The following DGKB variants were observed in gnomAD, a reference collection of about 807,000 sequenced individuals.
DGKB encodes diacylglycerol kinase beta.
A neutral mutation model predicts 114.3 loss-of-function variants in DGKB; 67 were observed. The ratio of observed to expected loss-of-function variants is 0.59; its 90% CI spans 0.48 to 0.72. The LOEUF (loss-of-function observed/expected upper bound fraction) is 0.72. Among genes scored for constraint, DGKB ranks in the 30% least tolerant of loss-of-function variants. The pLI is 0.00. For missense variants in DGKB, 907 were observed against 975.2 expected (o/e 0.93, Z 0.93); for synonymous variants, 398 against 323.1 (o/e 1.23, Z -2.49).
rs931240627 is a variant in DGKB at position 14,296,383 on chromosome 7, T to G, written c.2122+42132A>C. 4.6e-5 allele frequency among the ~76,000 whole-genome samples: 7 copies of G among 152,180 alleles called. No individual in the cohort carries two copies. The East Asian group carries it at 9.6e-4, about 21-fold the overall frequency. On this transcript the variant is annotated intron_variant, in intron 23 of 25. Transcript: ENST00000402815. The stretch of plus-strand genomic sequence containing the variant: ...TATTCCATGGTATATTTGTGCCACA[T>G]TATCTTTATCCAATCTATCATTGAT...
rs563973003 is a variant in DGKB, at chr7:14,736,614, A to T, written c.169-420T>A. 1.1e-3 allele frequency among the ~76,000 whole-genome samples: 173 copies of T among 152,320 alleles called. 1 individual carries two copies. Among genetic ancestry groups the T allele is most frequent in the Non-Finnish European group, 2.2e-3 (153 of 68,034 alleles). On this transcript the variant is annotated intron_variant, in intron 4 of 25. Transcript: ENST00000402815. ...TAAACACAGCAGGCACTCAGAGAGA[A>T]AGGAATTTTCCATATTTTTTGCTTG...
intron 2 of DGKB, among the ~76,000 whole-genome samples, chr7:14,825,125 C>A (rs1845524479): frequency 7.2e-6 from 1 of 138,050 alleles, no homozygotes; most frequent in African/African-American, 2.7e-5. Flanking sequence ...TATATGTGTT[C>A]CTGAGTGGTG....
chr7:14,490,918 A>C lies in DGKB; in HGVS notation c.1771-12693T>G, dbSNP rs914178645. 2.6e-5 allele frequency among the ~76,000 whole-genome samples: 4 copies of C among 152,014 alleles called. No individual in the cohort carries two copies. The East Asian group carries it at 7.7e-4, about 29-fold the overall frequency. ...GTGATTTCCAAAGGATTTTCTGGTAAATTATTCATTTTGACCTGATTAATT... is the reference window on the plus strand; with the variant it reads ...GTGATTTCCAAAGGATTTTCTGGTACATTATTCATTTTGACCTGATTAATT... On this transcript the variant is annotated intron_variant, in intron 20 of 25. Transcript: ENST00000402815.
At chr7:14,317,512 T>C (rs1806816013) in intron 23 of DGKB, among the ~76,000 whole-genome samples, 1 of 151,660 alleles carries the variant, frequency 6.6e-6, no homozygotes, top group Non-Finnish European at 1.5e-5. Flanking sequence ...GAGAGCCAAA[T>C]CATGAGTGAA....
chr7:14,937,091 T>A (rs539928412), intron 1 of DGKB, among the ~76,000 whole-genome samples: 1 of 151,646 alleles, frequency 6.6e-6, no homozygotes, highest in East Asian at 1.9e-4. Context: ...GTTAAATTTA[T>A]AATTTTGCTA....
intron 23 of DGKB, chr7:14,192,050 A>G: frequency 2.2e-6 from 1 of 459,670 alleles, no homozygotes; most frequent in Non-Finnish European, 4.2e-6. Context: ...GTTCTATGAG[A>G]CAGATAGTCG....
At chr7:14,372,461 A>T (rs1462533007) in intron 21 of DGKB, among the ~76,000 whole-genome samples, 2 of 152,126 alleles carry the variant, frequency 1.3e-5, no homozygotes, top group East Asian at 3.9e-4. Context: ...ACTTAACCTC[A>T]TCATAAGTTG....
At chr7:14,213,546 G>T (rs1788479218) in intron 23 of DGKB, among the ~76,000 whole-genome samples, 1 of 152,100 alleles carries the variant, frequency 6.6e-6, no homozygotes, top group African/African-American at 2.4e-5. Context: ...CAAGGGGAAG[G>T]TATGCTAACT....
intron 1 of DGKB, among the ~76,000 whole-genome samples, chr7:14,850,841 A>T (rs1849256795): frequency 6.6e-6 from 1 of 152,180 alleles, no homozygotes; most frequent in African/African-American, 2.4e-5. Context: ...AGGACAAATA[A>T]TCATATTCTT....
At chr7:14,234,124 A>T (rs1404580008) in intron 23 of DGKB, among the ~76,000 whole-genome samples, 1 of 152,060 alleles carries the variant, frequency 6.6e-6, no homozygotes, top group East Asian at 1.9e-4. Flanking sequence ...TGAAACTGTC[A>T]GCTATGGAGA....
intron 1 of DGKB, among the ~76,000 whole-genome samples, chr7:14,911,682 G>T (rs1784012799): frequency 6.6e-6 from 1 of 152,090 alleles, no homozygotes; most frequent in Non-Finnish European, 1.5e-5. Context: ...AGATGTATGT[G>T]TCCACCTGCG....
chr7:14,871,985 T>C (rs953633318), intron 1 of DGKB, among the ~76,000 whole-genome samples: 1 of 152,150 alleles, frequency 6.6e-6, no homozygotes, highest in Non-Finnish European at 1.5e-5. Context: ...TTGCCCTAAA[T>C]ACAGCGATCT....
intron 13 of DGKB, among the ~76,000 whole-genome samples, chr7:14,639,721 T>C (rs1563755541): frequency 6.6e-6 from 1 of 152,216 alleles, no homozygotes; most frequent in Non-Finnish European, 1.5e-5. Flanking sequence ...CCTCTTCCTT[T>C]TTCTGCCTCC....
At chr7:14,768,451 A>T (rs1228166708) in intron 2 of DGKB, among the ~76,000 whole-genome samples, 2 of 146,952 alleles carry the variant, frequency 1.4e-5, no homozygotes, top group Non-Finnish European at 3.0e-5. Context: ...ATTCTATGAT[A>T]GTGCATATCT....
chr7:14,322,119 T>C (rs1417735157), intron 23 of DGKB, among the ~76,000 whole-genome samples: 1 of 152,190 alleles, frequency 6.6e-6, no homozygotes, highest in Non-Finnish European at 1.5e-5. Flanking sequence ...GTCAGCAAAC[T>C]GTGGCTTTGT....
chr7:14,952,038 T>C (rs926574094), intron 1 of DGKB, among the ~76,000 whole-genome samples: 2 of 152,136 alleles, frequency 1.3e-5, no homozygotes, highest in African/African-American at 4.8e-5. Context: ...TTAAGGATAT[T>C]ATAGGTGTAG....
At chr7:14,967,682 C>G (rs546240638) in intron 1 of DGKB, among the ~76,000 whole-genome samples, 249 of 134,496 alleles carry the variant, frequency 1.9e-3, no homozygotes, top group Non-Finnish European at 3.5e-3. Flanking sequence ...AAAAGTCTTT[C>G]ATAATTAAAA....
intron 1 of DGKB, among the ~76,000 whole-genome samples, chr7:14,957,973 TTAACAAA>T (rs1786607949): frequency 6.6e-6 from 1 of 152,100 alleles, no homozygotes; most frequent in African/African-American, 2.4e-5. Context: ...TACAACCTTG[TTAACAAA>T]TAACTACTTG....
At chr7:14,966,432 A>G (rs1439048493) in intron 1 of DGKB, among the ~76,000 whole-genome samples, 1 of 148,060 alleles carries the variant, frequency 6.8e-6, no homozygotes, top group African/African-American at 2.6e-5. Context: ...AAGGGAATAC[A>G]CACATATTTG....
Sources: allele counts gnomAD v4.1 joint callset (sites outside exome capture counted in the v4.1 genomes callset), GRCh38; gene constraint gnomAD v4.1.1; transcripts MANE v1.5; gene names NCBI Gene and HGNC (gene_info 2026-07-23, HGNC 2026-07-21).